BHMT: variants seen among roughly 807,000 people sequenced by gnomAD.
The protein encoded by BHMT is betaine--homocysteine S-methyltransferase 1.
In BHMT, 38 loss-of-function variants were observed where a neutral mutation model predicts 49.5. The ratio of observed to expected loss-of-function variants is 0.77; its 90% CI spans 0.59 to 1.01. BHMT has a LOEUF of 1.01. Among genes scored for constraint, BHMT ranks in the 50% least tolerant of loss-of-function variants. The probability of loss-of-function intolerance (pLI) is 0.00; values close to 1 mark genes in which losing one functional copy is unlikely to be tolerated. For synonymous variants in BHMT, 166 were observed against 176.3 expected (o/e 0.94, Z 0.46); for missense variants, 426 against 495.7 (o/e 0.86, Z 1.34).
chr5:79,121,534 G>T (rs774050800), intron 5 of BHMT, among the ~76,000 whole-genome samples, 169 bp downstream of exon 5: 1 of 152,142 alleles, frequency 6.6e-6, no homozygotes, highest in Non-Finnish European at 1.5e-5. Flanking sequence ...TTTAAAAATG[G>T]CTGGGCGCGG....
At position 79,131,889 on chromosome 5, in the gene BHMT, G is replaced by C. The variant is rs573022007; in HGVS notation, c.*773G>C. ...GTGACCCACTTTTCTACCAGTAAAAGACATAGACCAATGGGGAGGAGGGGA... is the reference window on the plus strand; with the variant it reads ...GTGACCCACTTTTCTACCAGTAAAACACATAGACCAATGGGGAGGAGGGGA... On this transcript the variant is annotated 3_prime_UTR_variant, in exon 8 of 8. Transcript: ENST00000274353. The C allele has an allele frequency of 6.7e-6, 1 of 149,686 alleles. No individual in the cohort carries two copies. The allele number at this position is 149,686 out of a possible 1,614,324, so 9.3% of individuals were successfully genotyped here.
Position 79,121,309 on chromosome 5 carries a change from A to C in BHMT, c.569A>C (p.Glu190Ala). 1 of 1,614,202 alleles carries C rather than the reference A, an allele frequency of 6.2e-7. No individual in the cohort carries two copies. The highest frequency in any genetic ancestry group is 8.5e-7 in the Non-Finnish European group (1 of 1,180,018). Residue 190 changes from glutamate (E) to alanine (A), a missense_variant, in exon 5 of 8, where the codon GAA (glutamate) becomes GCA (alanine). Glu to Ala is a moderately radical substitution (Grantham distance 107). This residue lies in a region of BHMT where 321 missense variants were observed against 355.9 expected (regional missense o/e 0.90). Transcript: ENST00000274353. ...GCAGCAACCATGTGCATTGGCCCAG[A>C]AGGAGATTTGCATGGCGTGCCCCCC... is the stretch of plus-strand genomic sequence containing the variant. ...PVAATMCIGP[E>A]GDLHGVPPGE...
At position 79,119,628 on chromosome 5, in the gene BHMT, A is replaced by G. The variant is rs1756437984; in HGVS notation, c.285+251A>G. The G allele has an allele frequency of 6.7e-5, 21 of 315,658 alleles. 1 individual carries two copies. The South Asian group carries it at 1.3e-3, about 19-fold the overall frequency. The allele number at this position is 315,658 out of a possible 1,614,324, so 19.6% of individuals were successfully genotyped here. On this transcript the variant is annotated intron_variant, in intron 3 of 7. Coordinates refer to ENST00000274353, the MANE Select transcript of BHMT (RefSeq NM_001713.3). ...AATGATTCTCCCAGTCTCTTGACTA[A>G]GTTGCTGAGTAAATTGGGCAACCTT...
Position 79,127,825 on chromosome 5 carries a change from C to G in BHMT, c.879C>G (p.Val293=), listed in dbSNP as rs1486801089. ...KYAREAYNLG[V]RYIGGCCGFE... Reference sequence around the variant, plus strand: ...CCAGAGAGGCCTACAACCTGGGGGTCAGGTACATTGGCGGGTGCTGTGGAT... The same window carrying G: ...CCAGAGAGGCCTACAACCTGGGGGTGAGGTACATTGGCGGGTGCTGTGGAT... The change falls in exon 7 of 8, where the codon GTC becomes GTG. Residue 293 remains valine, a synonymous_variant. Coordinates refer to ENST00000274353, the MANE Select transcript of BHMT (RefSeq NM_001713.3). The G allele has an allele frequency of 8.1e-6, 13 of 1,614,022 alleles. No homozygotes were observed. Among genetic ancestry groups the G allele is most frequent in the Non-Finnish European group, 1.0e-5 (12 of 1,180,032 alleles).
intron 7 of BHMT, chr5:79,128,256 C>T (rs981197333): frequency 2.6e-5 from 9 of 347,580 alleles, no homozygotes; most frequent in African/African-American, 8.6e-5. Context: ...TGCGGTGGCT[C>T]GCGCCTGTAA....
intron 5 of BHMT, 50 bp downstream of exon 5, chr5:79,121,415 C>A (rs1756471032): frequency 5.6e-6 from 9 of 1,603,326 alleles, no homozygotes; most frequent in Non-Finnish European, 6.8e-6. Flanking sequence ...TAAAAGAACA[C>A]ACTAGTGCAC....
At chr5:79,125,772 A>AAAC in intron 5 of BHMT, among the ~76,000 whole-genome samples, 1 of 152,078 alleles carries the variant, frequency 6.6e-6, no homozygotes, top group South Asian at 2.1e-4. Context: ...TATCTATAAA[A>AAAC]AAACAAACAA....
intron 1 of BHMT, 118 bp downstream of exon 1, chr5:79,112,036 C>A: frequency 1.7e-6 from 2 of 1,167,366 alleles, no homozygotes; most frequent in Non-Finnish European, 2.3e-6. Context: ...TCCTCCTACT[C>A]CCTCCCCTCC....
intron 1 of BHMT, among the ~76,000 whole-genome samples, chr5:79,112,517 G>A (rs1445829679): frequency 6.6e-6 from 1 of 152,222 alleles, no homozygotes; most frequent in Non-Finnish European, 1.5e-5. Flanking sequence ...CCTCCCCGCC[G>A]GGTTCTCGCT....
intron 2 of BHMT, among the ~76,000 whole-genome samples, chr5:79,118,904 T>C (rs983477966): frequency 1.3e-5 from 2 of 152,204 alleles, no homozygotes; most frequent in Admixed American, 1.3e-4. Context: ...TGTAGTCAGT[T>C]ATTTCTGGAC....
intron 5 of BHMT, among the ~76,000 whole-genome samples, chr5:79,123,085 G>A (rs1440009221): frequency 6.6e-6 from 1 of 152,178 alleles, no homozygotes; most frequent in East Asian, 1.9e-4. Context: ...ACAATACTTG[G>A]ACAGTGTGTG....
chr5:79,119,485 T>A, intron 3 of BHMT, 108 bp downstream of exon 3: 4 of 810,412 alleles, frequency 4.9e-6, no homozygotes, highest in Non-Finnish European at 7.6e-6. Context: ...TTGTTTTATT[T>A]CTAATAATAC....
chr5:79,126,370 C>A, intron 6 of BHMT, 142 bp downstream of exon 6: 2 of 985,262 alleles, frequency 2.0e-6, no homozygotes, highest in Non-Finnish European at 2.9e-6. Flanking sequence ...GTTTCTGTCC[C>A]TGCAGCCAAA....
chr5:79,114,721 T>C (rs1028147186), intron 1 of BHMT, among the ~76,000 whole-genome samples: 2 of 152,206 alleles, frequency 1.3e-5, no homozygotes, highest in Non-Finnish European at 2.9e-5. Context: ...GGAAGCCCTA[T>C]GCTCCCCATC....
chr5:79,119,367 A>G lies in BHMT; in HGVS notation c.275A>G (p.Glu92Gly). The G allele has an allele frequency of 1.2e-6, 2 of 1,611,828 alleles. No homozygotes were observed. The highest frequency in any genetic ancestry group is 1.7e-6 in the Non-Finnish European group (2 of 1,178,384). The change falls in exon 3 of 8, where the codon GAG (glutamate) becomes GGG (glycine). Residue 92 changes from glutamate (E) to glycine (G), a missense_variant. Physicochemically the swap from Glu to Gly is moderately conservative, Grantham distance 98. Transcript: ENST00000274353. ...GAGAACAGGGGCAACTATGTCTTAG[A>G]GAAGATATCTGTGAGTAAAACCAGC... is the stretch of plus-strand genomic sequence containing the variant. ...KLENRGNYVL[E>G]KISGQEVNEA... is the part of the protein sequence containing the mutation.
intron 1 of BHMT, among the ~76,000 whole-genome samples, chr5:79,114,932 T>C (rs200887121): frequency 5.3e-5 from 8 of 152,214 alleles, no homozygotes; most frequent in East Asian, 3.8e-4. Context: ...AAGTTATCCA[T>C]AGAACAACAC....
chr5:79,128,180 C>T, intron 7 of BHMT, 197 bp downstream of exon 7: 1 of 784,964 alleles, frequency 1.3e-6, no homozygotes, highest in Non-Finnish European at 1.9e-6. Flanking sequence ...CGTATTTGAC[C>T]TGATTTTGGA....
At chr5:79,117,053 C>T (rs1444217043) in intron 2 of BHMT, among the ~76,000 whole-genome samples, 5 of 152,094 alleles carry the variant, frequency 3.3e-5, no homozygotes, top group Admixed American at 2.6e-4. Context: ...GATAATTGCC[C>T]CCAGGTGACT....
chr5:79,120,194 T>G, intron 3 of BHMT, 156 bp from the exon 4 acceptor site: 1 of 632,258 alleles, frequency 1.6e-6, no homozygotes, highest in Non-Finnish European at 2.5e-6. Flanking sequence ...TATGGCAAAC[T>G]GTTCAACTTG....
Sources: gnomAD v4.1 joint callset for allele counts (sites outside exome capture counted in the v4.1 genomes callset) on GRCh38, gnomAD v4.1.1 for gene constraint, gnomAD v4.1.1 regional missense constraint, MANE v1.5 for transcripts, NCBI Gene and HGNC (gene_info 2026-07-23, HGNC 2026-07-21) for gene names.